The following DHRSX variants were observed in gnomAD, a reference collection of about 807,000 sequenced individuals.
DHRSX encodes dehydrogenase/reductase X-linked, also known as polyprenol dehydrogenase.
Under a neutral mutation model 34.0 loss-of-function variants are expected in DHRSX, and 31 were observed. The observed-to-expected ratio is 0.91, with a 90% CI of 0.69 to 1.23. The LOEUF is 1.23. Among genes scored for constraint, DHRSX ranks in the 50% most tolerant of loss-of-function variants. The pLI, the probability that DHRSX is intolerant of heterozygous loss-of-function variation, is 0.00. For synonymous variants in DHRSX, 201 were observed against 183.8 expected (o/e 1.09, Z -0.76); for missense variants, 414 against 428.1 (o/e 0.97, Z 0.29).
intron 5 of DHRSX, among the ~76,000 whole-genome samples, chrX:2,252,637 CAGT>C (rs1416813253): frequency 2.6e-5 from 4 of 152,116 alleles, no homozygotes; most frequent in Non-Finnish European, 5.9e-5. Context: ...TGGTTTTACA[CAGT>C]AGCGTGGAGA....
chrX:2,384,721 G>A (rs1486153480), intron 3 of DHRSX, among the ~76,000 whole-genome samples: 7 of 142,136 alleles, frequency 4.9e-5, no homozygotes, highest in African/African-American at 1.5e-4. Flanking sequence ...ATGGGATCAC[G>A]TGGACACAGG....
At chrX:2,303,809 A>G (rs62595545) in intron 3 of DHRSX, among the ~76,000 whole-genome samples, 69 of 36,170 alleles carry the variant, frequency 1.9e-3, no homozygotes, top group African/African-American at 6.0e-3. Flanking sequence ...GGGTGGGTGG[A>G]TGGGTGGGTG....
intron 4 of DHRSX, among the ~76,000 whole-genome samples, chrX:2,273,240 A>C (rs746719056): frequency 9.2e-5 from 14 of 152,288 alleles, no homozygotes; most frequent in East Asian, 5.8e-4. Context: ...AAACAATACA[A>C]AACAAAATAC....
intron 1 of DHRSX, among the ~76,000 whole-genome samples, chrX:2,440,717 G>C (rs997891358): frequency 6.6e-6 from 1 of 151,938 alleles, no homozygotes; most frequent in South Asian, 2.1e-4. Flanking sequence ...CTGGACCTTC[G>C]ACCACAGACT....
At chrX:2,490,986 A>G (rs1044385130) in intron 1 of DHRSX, among the ~76,000 whole-genome samples, 1 of 151,876 alleles carries the variant, frequency 6.6e-6, no homozygotes, top group Non-Finnish European at 1.5e-5. Flanking sequence ...ATCCGACTGC[A>G]GCGATGCCGC....
chrX:2,224,266 G>A (rs1313219220), intron 6 of DHRSX, among the ~76,000 whole-genome samples: 2 of 152,138 alleles, frequency 1.3e-5, no homozygotes, highest in African/African-American at 4.8e-5. Context: ...GCCGCTCCTG[G>A]GTTCTCCTGC....
intron 1 of DHRSX, chrX:2,500,295 GC>G: frequency 5.4e-6 from 1 of 184,392 alleles, no homozygotes; most frequent in Admixed American, 5.0e-5. Flanking sequence ...CCGGAGAAGG[GC>G]CCATCCTCAC....
At chrX:2,430,258 CAA>C (rs5901189) in intron 1 of DHRSX, among the ~76,000 whole-genome samples, 50 of 123,296 alleles carry the variant, frequency 4.1e-4, no homozygotes, top group African/African-American at 3.5e-4. Flanking sequence ...GACCCCAGCT[CAA>C]AAAAAAAAAA....
At chrX:2,318,796 C>G (rs1470655038) in intron 3 of DHRSX, among the ~76,000 whole-genome samples, 1 of 152,082 alleles carries the variant, frequency 6.6e-6, no homozygotes, top group African/African-American at 2.4e-5. Context: ...AGTGGCCACT[C>G]TTTATTCCTT....
chrX:2,409,754 G>C (rs2043603140), intron 2 of DHRSX, among the ~76,000 whole-genome samples: 1 of 151,482 alleles, frequency 6.6e-6, no homozygotes, highest in African/African-American at 2.4e-5. Flanking sequence ...TTTTGAGACA[G>C]AATCTTGCTC....
intron 1 of DHRSX, among the ~76,000 whole-genome samples, chrX:2,446,759 C>T (rs779938422): frequency 3.3e-5 from 5 of 149,298 alleles, no homozygotes; most frequent in East Asian, 2.0e-4. Flanking sequence ...CAGAAGAAGA[C>T]GTTCCCTAAG....
chrX:2,498,154 G>GT (rs1340298142), intron 1 of DHRSX, among the ~76,000 whole-genome samples: 1 of 152,136 alleles, frequency 6.6e-6, no homozygotes, highest in Non-Finnish European at 1.5e-5. Context: ...CTCATACCAT[G>GT]TAAGTCAACT....
At chrX:2,318,991 C>T (rs145765265) in intron 3 of DHRSX, among the ~76,000 whole-genome samples, 1,929 of 152,146 alleles carry the variant, frequency 0.013, 26 homozygotes, top group South Asian at 0.054. Flanking sequence ...TGGTCTAACC[C>T]GGGGTTGGTC....
At chrX:2,260,745 G>C (rs1246095027) in intron 5 of DHRSX, among the ~76,000 whole-genome samples, 1 of 152,112 alleles carries the variant, frequency 6.6e-6, no homozygotes, top group African/African-American at 2.4e-5. Context: ...ACAGGCATGA[G>C]CCAGTGTGCC....
In DHRSX at chrX:2,480,858, T is replaced by G. The variant is rs191808739; in HGVS notation, c.109+19959A>C. On this transcript the variant is annotated intron_variant, in intron 1 of 6. Transcript: ENST00000334651. ...TTAAAATTAAATTTTTCCAGTTAGATAGAAGAAATAAATTCAAAGTTCTAC... is the reference window on the plus strand; with the variant it reads ...TTAAAATTAAATTTTTCCAGTTAGAGAGAAGAAATAAATTCAAAGTTCTAC... Among the ~76,000 whole-genome samples, 8 of 152,178 alleles carry G rather than the reference T, an allele frequency of 5.3e-5. No homozygotes were observed. The East Asian group carries it at 1.5e-3, about 29-fold the overall frequency.
At chrX:2,293,310 G>GA (rs2041890296) in intron 3 of DHRSX, among the ~76,000 whole-genome samples, 1 of 144,622 alleles carries the variant, frequency 6.9e-6, no homozygotes, top group South Asian at 2.2e-4. Flanking sequence ...GAACTAGAAA[G>GA]AAAAGCAAAT....
chrX:2,451,045 C>A (rs2044209719), intron 1 of DHRSX, among the ~76,000 whole-genome samples: 2 of 152,050 alleles, frequency 1.3e-5, no homozygotes, highest in Non-Finnish European at 2.9e-5. Context: ...AAACCTCCAA[C>A]CTTTAGAACT....
At chrX:2,499,444 A>C (rs958188326) in intron 1 of DHRSX, among the ~76,000 whole-genome samples, 2 of 151,952 alleles carry the variant, frequency 1.3e-5, no homozygotes, top group Non-Finnish European at 2.9e-5. Flanking sequence ...ATTCCAGTTC[A>C]CAAATAATTG....
At chrX:2,422,193 T>C (rs1327599623) in intron 2 of DHRSX, among the ~76,000 whole-genome samples, 1 of 152,210 alleles carries the variant, frequency 6.6e-6, no homozygotes, top group African/African-American at 2.4e-5. Context: ...CATCTTTCCA[T>C]AATGACAACA....
Sources: gnomAD v4.1 joint callset for allele counts (sites outside exome capture counted in the v4.1 genomes callset) on GRCh38, gnomAD v4.1.1 for gene constraint, MANE v1.5 for transcripts, NCBI Gene and HGNC (gene_info 2026-07-23, HGNC 2026-07-21) for gene names.